SMAP1: variants seen among roughly 807,000 people sequenced by gnomAD.
SMAP1 encodes stromal membrane-associated protein 1.
In SMAP1, 24 loss-of-function variants were observed where a neutral mutation model predicts 58.5. That is an observed-to-expected ratio of 0.41 (90% CI 0.30 to 0.58). The LOEUF is 0.58. Ranked by LOEUF, SMAP1 falls within the 20% of genes least tolerant of loss-of-function variation. The pLI is 0.29. For missense variants in SMAP1, 563 were observed against 566.3 expected, an observed-to-expected ratio of 0.99 and a Z score of 0.06; for synonymous variants, 216 against 196.6, an observed-to-expected ratio of 1.10 and a Z score of -0.82.
intron 2 of SMAP1, among the ~76,000 whole-genome samples, chr6:70,743,748 C>T (rs1301487275): frequency 1.3e-5 from 2 of 152,028 alleles, no homozygotes; most frequent in African/African-American, 2.4e-5. Context: ...GATGCTGAAC[C>T]CTTGCTAGAA....
intron 8 of SMAP1, among the ~76,000 whole-genome samples, chr6:70,855,780 T>C (rs550863209): frequency 6.6e-6 from 1 of 152,352 alleles, no homozygotes; most frequent in East Asian, 1.9e-4. Flanking sequence ...CTCTATGATC[T>C]GCTGCTGCTT....
intron 6 of SMAP1, among the ~76,000 whole-genome samples, chr6:70,834,018 CA>C (rs1463158637): frequency 6.6e-6 from 1 of 152,192 alleles, no homozygotes; most frequent in Non-Finnish European, 1.5e-5. Context: ...TTTTAGAACA[CA>C]GATACATGTG....
At chr6:70,730,700 T>C (rs1309044528) in intron 1 of SMAP1, among the ~76,000 whole-genome samples, 3 of 152,230 alleles carry the variant, frequency 2.0e-5, no homozygotes, top group African/African-American at 7.2e-5. Context: ...TTTTACTATA[T>C]TGTACTTACT....
At chr6:70,809,373 T>A (rs959217124) in intron 6 of SMAP1, among the ~76,000 whole-genome samples, 2 of 152,226 alleles carry the variant, frequency 1.3e-5, no homozygotes, top group African/African-American at 4.8e-5. Context: ...TAATACAATT[T>A]AAAAAATACA....
At chr6:70,728,712 A>G (rs1765289240) in intron 1 of SMAP1, among the ~76,000 whole-genome samples, 1 of 152,194 alleles carries the variant, frequency 6.6e-6, no homozygotes, top group South Asian at 2.1e-4. Context: ...TTTACAGGAG[A>G]TAAATATTTC....
At position 70,710,493 on chromosome 6, in the gene SMAP1, CAAAAAAAAAAAA is replaced by C. The variant is rs35171922; in HGVS notation, c.119-21873_119-21862del. Reference sequence around the variant, plus strand: ...TGGTGACAGAGCGAGACTCCCATCTCAAAAAAAAAAAAAAAAAAAAAAAGGGTAAACGGCATA... The same window carrying C: ...TGGTGACAGAGCGAGACTCCCATCTCAAAAAAAAAAAGGGTAAACGGCATA... On this transcript the variant is annotated intron_variant, in intron 1 of 10. Transcript: ENST00000370455. Among the ~76,000 whole-genome samples, 79 of 75,312 alleles carry C rather than the reference CAAAAAAAAAAAA, an allele frequency of 1.0e-3. 1 individual carries two copies. Among genetic ancestry groups the C allele is most frequent in the Non-Finnish European group, 1.3e-3 (53 of 40,640 alleles). 49.4% of individuals were successfully genotyped at this position (75,312 alleles called of 152,430 possible). A position where few individuals can be genotyped will look rare whatever the true frequency, so the allele number is the denominator to read the frequency against.
chr6:70,710,537 T>C (rs917676653), intron 1 of SMAP1, among the ~76,000 whole-genome samples: 1 of 142,478 alleles, frequency 7.0e-6, no homozygotes, highest in Admixed American at 7.0e-5. Flanking sequence ...CATACACATA[T>C]AGGGCACTTA....
At chr6:70,842,702 G>A (rs1770847043) in intron 7 of SMAP1, among the ~76,000 whole-genome samples, 1 of 151,480 alleles carries the variant, frequency 6.6e-6, no homozygotes, top group South Asian at 2.1e-4. Context: ...CGGGAGACAC[G>A]GTGGTTTGGG....
intron 3 of SMAP1, among the ~76,000 whole-genome samples, chr6:70,771,228 G>C (rs1259088835): frequency 2.0e-5 from 3 of 152,262 alleles, no homozygotes; most frequent in Admixed American, 6.5e-5. Context: ...GAGGCAGTCT[G>C]CCCATTCTCA....
In SMAP1 at chr6:70,836,984, G is replaced by C; in HGVS notation, c.620G>C (p.Ser207Thr). ...DQQLEPKKST[S>T]PKKAAEPTVD... is the part of the protein sequence containing the mutation. Reference sequence around the variant, plus strand: ...CAACTGGAGCCTAAAAAAAGTACCAGCCCTAAAAAAGCTGCGGAGCCCACT... The same window carrying C: ...CAACTGGAGCCTAAAAAAAGTACCACCCCTAAAAAAGCTGCGGAGCCCACT... Residue 207 changes from serine (S) to threonine (T), a missense_variant, in exon 7 of 11, where the codon AGC becomes ACC. Ser to Thr is a moderately conservative substitution (Grantham distance 58). Around this residue, in one of 3 missense-constraint regions of SMAP1, gnomAD observed 494 missense variants for 473.8 expected, o/e 1.04. Transcript: ENST00000370455. 1 of 1,604,034 alleles carries C rather than the reference G, an allele frequency of 6.2e-7. No homozygotes were observed. Among genetic ancestry groups the C allele is most frequent in the Non-Finnish European group, 8.5e-7 (1 of 1,175,640 alleles).
intron 3 of SMAP1, among the ~76,000 whole-genome samples, chr6:70,765,802 T>G (rs550937224): frequency 6.6e-6 from 1 of 152,268 alleles, no homozygotes; most frequent in African/African-American, 2.4e-5. Context: ...CGTGCAGGTT[T>G]GTTACATATG....
chr6:70,764,773 A>G (rs1766894022), intron 3 of SMAP1, among the ~76,000 whole-genome samples: 1 of 152,158 alleles, frequency 6.6e-6, no homozygotes, highest in South Asian at 2.1e-4. Flanking sequence ...TCTGCAGCCC[A>G]TGGATAAAGG....
chr6:70,798,874 T>C, intron 6 of SMAP1, 137 bp downstream of exon 6: 8 of 665,370 alleles, frequency 1.2e-5, no homozygotes, highest in South Asian at 2.7e-5. Context: ...GAATGCTGTG[T>C]GCTCAGCATG....
At chr6:70,841,168 G>A (rs1236760078) in intron 7 of SMAP1, among the ~76,000 whole-genome samples, 2 of 152,178 alleles carry the variant, frequency 1.3e-5, no homozygotes, top group South Asian at 2.1e-4. Flanking sequence ...CTTCAAGGGC[G>A]AGCACATGCT....
chr6:70,766,697 G>A (rs1354104122), intron 3 of SMAP1, among the ~76,000 whole-genome samples: 2 of 152,098 alleles, frequency 1.3e-5, no homozygotes, highest in African/African-American at 4.8e-5. Flanking sequence ...TTTGTAGGTT[G>A]CCTGTTCACT....
chr6:70,760,642 T>G (rs1050229065), intron 3 of SMAP1, among the ~76,000 whole-genome samples: 16 of 152,088 alleles, frequency 1.1e-4, no homozygotes, highest in African/African-American at 3.9e-4. Context: ...CTTTCATCTA[T>G]CCATCTTTCT....
At chr6:70,826,061 C>T (rs1770102143) in intron 6 of SMAP1, among the ~76,000 whole-genome samples, 2 of 152,152 alleles carry the variant, frequency 1.3e-5, no homozygotes, top group Admixed American at 6.6e-5. Flanking sequence ...ACTACTGCAA[C>T]CACTAGCAGC....
intron 1 of SMAP1, among the ~76,000 whole-genome samples, chr6:70,678,043 T>C (rs1304373444): frequency 6.6e-6 from 1 of 152,264 alleles, no homozygotes; most frequent in East Asian, 1.9e-4. Context: ...TTTAAAATTA[T>C]TTCACTTAAA....
intron 3 of SMAP1, among the ~76,000 whole-genome samples, chr6:70,758,716 T>C (rs1766621060): frequency 1.3e-5 from 2 of 152,090 alleles, no homozygotes; most frequent in South Asian, 4.1e-4. Flanking sequence ...GCATTGGGAA[T>C]GGGCAGGATT....
Sources: gnomAD v4.1 joint callset for allele counts (sites outside exome capture counted in the v4.1 genomes callset) on GRCh38, gnomAD v4.1.1 for gene constraint, gnomAD v4.1.1 regional missense constraint, MANE v1.5 for transcripts, NCBI Gene and HGNC (gene_info 2026-07-23, HGNC 2026-07-21) for gene names.